LIPI: variants seen among roughly 807,000 people sequenced by gnomAD.
The protein encoded by LIPI is lipase member I.
In LIPI, 59 loss-of-function variants were observed where a neutral mutation model predicts 50.6. The observed-to-expected ratio is 1.16, with a 90% CI of 0.94 to 1.45. LIPI has a LOEUF of 1.45. Ranked by LOEUF, LIPI falls within the 40% of genes most tolerant of loss-of-function variation. The probability of loss-of-function intolerance (pLI) is 0.00; values close to 1 mark genes in which losing one functional copy is unlikely to be tolerated. For missense variants in LIPI, 586 were observed against 536.3 expected (o/e 1.09, Z -0.92); for synonymous variants, 203 against 178.2 (o/e 1.14, Z -1.11).
rs150198937 is a variant in LIPI at position 14,134,476 on chromosome 21, A to C, written c.1295+10147T>G. ...CGTATGGAATCAGAAGAGAGCCCAA[A>C]TAACCAAAGCAATCCTAAGCAAAAA... is the stretch of plus-strand genomic sequence containing the variant. On this transcript the variant is annotated intron_variant, in intron 9 of 9. Coordinates refer to ENST00000681601, the MANE Select transcript of LIPI (RefSeq NM_001302998.2). Among the ~76,000 whole-genome samples, 1,394 of 152,330 alleles carry C rather than the reference A, an allele frequency of 9.2e-3. 34 individuals carry two copies. Among genetic ancestry groups the C allele is most frequent in the Non-Finnish European group, 0.013 (887 of 68,026 alleles).
At chr21:14,190,525 G>A (rs553082549) in intron 1 of LIPI, among the ~76,000 whole-genome samples, 4 of 151,982 alleles carry the variant, frequency 2.6e-5, no homozygotes, top group Admixed American at 6.6e-5. Flanking sequence ...AAGAGGTAAC[G>A]TATTATTTTA....
intron 1 of LIPI, among the ~76,000 whole-genome samples, chr21:14,200,022 T>G (rs953058673): frequency 6.6e-6 from 1 of 152,096 alleles, no homozygotes; most frequent in African/African-American, 2.4e-5. Context: ...TCTCAATAGA[T>G]GCAGAAAAGG....
intron 9 of LIPI, among the ~76,000 whole-genome samples, chr21:14,118,850 T>TGCCCAAAGCAATC (rs2016755030): frequency 6.6e-6 from 1 of 152,096 alleles, no homozygotes; most frequent in African/African-American, 2.4e-5. Flanking sequence ...TGCAAAACAC[T>TGCCCAAAGCAATC]TAAAATGGCT....
chr21:14,205,733 T>G (rs2020207459), intron 1 of LIPI, among the ~76,000 whole-genome samples: 1 of 152,060 alleles, frequency 6.6e-6, no homozygotes, highest in African/African-American at 2.4e-5. Flanking sequence ...TGAGAAAAAA[T>G]AGATTTAATA....
In LIPI at chr21:14,144,737, A is replaced by C. The variant is rs775110265; in HGVS notation, c.1181T>G (p.Phe394Cys). 3.4e-5 allele frequency: 53 copies of C among 1,576,306 alleles called. No individual in the cohort carries two copies. The highest frequency in any genetic ancestry group is 4.4e-5 in the Non-Finnish European group (51 of 1,146,094). Residue 394 changes from phenylalanine (F) to cysteine (C), a missense_variant, in exon 9 of 10, where the codon TTT becomes TGT. Transcript: ENST00000681601. ...CAAACCAATGCTTGAAATATTTACA[A>C]AGTCATTATAAAATTGAGCAAGAAT... ...VKILAQFYND[F>C]VNISSIGLTY...
At chr21:14,195,824 A>C (rs2019824790) in intron 1 of LIPI, among the ~76,000 whole-genome samples, 1 of 152,192 alleles carries the variant, frequency 6.6e-6, no homozygotes, top group Admixed American at 6.5e-5. Flanking sequence ...AGATGGCATA[A>C]TGTCTAAGAA....
intron 9 of LIPI, among the ~76,000 whole-genome samples, chr21:14,142,820 C>T (rs1338058451): frequency 6.6e-6 from 1 of 151,714 alleles, no homozygotes; most frequent in Non-Finnish European, 1.5e-5. Context: ...TATATTTATA[C>T]TATAATTAGT....
chr21:14,181,084 C>T (rs183780959), intron 4 of LIPI, among the ~76,000 whole-genome samples: 15 of 152,220 alleles, frequency 9.9e-5, no homozygotes, highest in South Asian at 6.2e-4. Flanking sequence ...ATCTATCTAA[C>T]GGAAATTTAG....
chr21:14,130,281 A>C (rs2122992372), intron 9 of LIPI, among the ~76,000 whole-genome samples: 2 of 152,258 alleles, frequency 1.3e-5, no homozygotes, highest in Middle Eastern at 6.8e-3. Flanking sequence ...CGGAAGTTGC[A>C]GTGAGCCGAG....
intron 9 of LIPI, among the ~76,000 whole-genome samples, chr21:14,115,179 C>A (rs1422213383): frequency 2.0e-5 from 3 of 152,170 alleles, no homozygotes; most frequent in African/African-American, 7.2e-5. Flanking sequence ...GCTCAGCAAG[C>A]CTTACCTACT....
At chr21:14,171,775 C>T (rs1600894924) in intron 4 of LIPI, among the ~76,000 whole-genome samples, 4 of 151,848 alleles carry the variant, frequency 2.6e-5, no homozygotes, top group African/African-American at 4.8e-5. Context: ...AGAAGAAAAC[C>T]TAGGCAATAC....
chr21:14,149,810 G>A (rs554301234), intron 8 of LIPI, among the ~76,000 whole-genome samples: 77 of 152,300 alleles, frequency 5.1e-4, no homozygotes, highest in African/African-American at 1.9e-3. Flanking sequence ...CAAGAGGTGA[G>A]CTCCCATAGC....
At chr21:14,174,614 C>T (rs1311457473) in intron 4 of LIPI, among the ~76,000 whole-genome samples, 1 of 152,040 alleles carries the variant, frequency 6.6e-6, no homozygotes, top group Non-Finnish European at 1.5e-5. Flanking sequence ...AGTGCAATGG[C>T]ATGATCTCCG....
intron 8 of LIPI, among the ~76,000 whole-genome samples, chr21:14,151,781 C>T (rs983548323): frequency 1.3e-5 from 2 of 151,930 alleles, no homozygotes; most frequent in African/African-American, 2.4e-5. Flanking sequence ...AATTATATAA[C>T]CTTAAAATAT....
intron 9 of LIPI, among the ~76,000 whole-genome samples, chr21:14,139,404 T>G (rs1225798486): frequency 6.6e-6 from 1 of 152,154 alleles, no homozygotes; most frequent in Non-Finnish European, 1.5e-5. Flanking sequence ...TTTAAAAACA[T>G]GTCTATTAAT....
At chr21:14,167,182 G>C (rs577227438) in intron 4 of LIPI, among the ~76,000 whole-genome samples, 134 of 152,336 alleles carry the variant, frequency 8.8e-4, no homozygotes, top group African/African-American at 3.1e-3. Context: ...CATTGCCCAG[G>C]CTTGCTTAGG....
At chr21:14,113,986 G>A (rs2016517943) in intron 9 of LIPI, among the ~76,000 whole-genome samples, 1 of 152,106 alleles carries the variant, frequency 6.6e-6, no homozygotes, top group Admixed American at 6.6e-5. Context: ...AGCAGATTGA[G>A]ACCATCCTGG....
intron 9 of LIPI, among the ~76,000 whole-genome samples, chr21:14,111,830 A>AC (rs2016426299): frequency 6.8e-6 from 1 of 146,244 alleles, no homozygotes; most frequent in Admixed American, 7.1e-5. Context: ...TTTTTCCAAC[A>AC]CCATTTATTT....
At position 14,162,757 on chromosome 21, in the gene LIPI, A is replaced by G. The variant is rs1424881584; in HGVS notation, c.1006+662T>C. Among the ~76,000 whole-genome samples, 4 of 151,882 alleles carry G rather than the reference A, an allele frequency of 2.6e-5. No individual in the cohort carries two copies. The East Asian group carries it at 7.7e-4, about 29-fold the overall frequency. ...AGACATTAAAAATGACTGACCTAAA[A>G]TATTTTATGAGAATCTATTTTAAGT... On this transcript the variant is annotated intron_variant, in intron 7 of 9. Transcript: ENST00000681601.
Sources: gnomAD v4.1 joint callset for allele counts (sites outside exome capture counted in the v4.1 genomes callset) on GRCh38, gnomAD v4.1.1 for gene constraint, MANE v1.5 for transcripts, NCBI Gene and HGNC (gene_info 2026-07-23, HGNC 2026-07-21) for gene names.